Variants in DOK6 observed in about 807,000 individuals in gnomAD.
DOK6 encodes downstream of tyrosine kinase 6.
Under a neutral mutation model 44.0 loss-of-function variants are expected in DOK6, and 22 were observed. The observed-to-expected ratio is 0.50, with a 90% CI of 0.36 to 0.71. DOK6 has a LOEUF of 0.71. Among genes scored for constraint, DOK6 ranks in the 30% least tolerant of loss-of-function variants. The pLI, the probability that DOK6 is intolerant of heterozygous loss-of-function variation, is 0.00. For synonymous variants in DOK6, 166 were observed against 145.5 expected, an observed-to-expected ratio of 1.14 and a Z score of -1.01; for missense variants, 340 against 416.4, an observed-to-expected ratio of 0.82 and a Z score of 1.60.
At chr18:69,566,037 G>A (rs1226216103) in intron 2 of DOK6, among the ~76,000 whole-genome samples, 3 of 152,130 alleles carry the variant, frequency 2.0e-5, no homozygotes, top group Admixed American at 2.0e-4. Flanking sequence ...TATCTTATTT[G>A]GATGCCTGGT....
chr18:69,703,469 G>A (rs1986565964), intron 5 of DOK6, among the ~76,000 whole-genome samples: 2 of 152,136 alleles, frequency 1.3e-5, no homozygotes, highest in Non-Finnish European at 2.9e-5. Context: ...TATAATATAG[G>A]AATTGTAATA....
chr18:69,794,982 G>T (rs1217597289), intron 7 of DOK6, among the ~76,000 whole-genome samples: 1 of 152,044 alleles, frequency 6.6e-6, no homozygotes, highest in East Asian at 1.9e-4. Flanking sequence ...ACATTATGGT[G>T]GGTTGTATAA....
At chr18:69,473,365 C>T (rs151290023) in intron 1 of DOK6, among the ~76,000 whole-genome samples, 2 of 152,230 alleles carry the variant, frequency 1.3e-5, no homozygotes, top group African/African-American at 2.4e-5. Context: ...TAAGTGAAAA[C>T]TTAAATATCA....
intron 1 of DOK6, among the ~76,000 whole-genome samples, chr18:69,463,319 A>T (rs1979837519): frequency 1.3e-5 from 2 of 152,094 alleles, no homozygotes; most frequent in Admixed American, 6.5e-5. Context: ...TCCACACATC[A>T]ATCTTGGGAG....
At chr18:69,763,861 T>C (rs1568119617) in intron 7 of DOK6, among the ~76,000 whole-genome samples, 1 of 152,212 alleles carries the variant, frequency 6.6e-6, no homozygotes, top group Non-Finnish European at 1.5e-5. Flanking sequence ...AGGCACTCAG[T>C]AAAGCCTATT....
chr18:69,546,288 A>G (rs1982402545), intron 1 of DOK6, among the ~76,000 whole-genome samples: 1 of 151,098 alleles, frequency 6.6e-6, no homozygotes, highest in African/African-American at 2.4e-5. Flanking sequence ...AAAAAAAAAA[A>G]AAAGTGTAAA....
rs1982323130 is a variant in DOK6 at position 69,845,317 on chromosome 18, C to T, written c.*3934C>T. The T allele has an allele frequency of 6.6e-6, 1 of 152,166 alleles. No homozygotes were observed. The highest frequency in any genetic ancestry group is 2.4e-5 in the African/African-American group (1 of 41,442). 9.4% of individuals were successfully genotyped at this position (152,166 alleles called of 1,614,324 possible). ...GTGTTTTAAAATATTATATTGAAGA[C>T]TGCACAAAGAGAAAATTATACATGT... On this transcript the variant is annotated 3_prime_UTR_variant, in exon 8 of 8. Coordinates refer to ENST00000382713, the MANE Select transcript of DOK6 (RefSeq NM_152721.6).
chr18:69,469,342 AAAT>A (rs1568267710), intron 1 of DOK6, among the ~76,000 whole-genome samples: 1 of 152,224 alleles, frequency 6.6e-6, no homozygotes, highest in Non-Finnish European at 1.5e-5. Flanking sequence ...CCCTTCACTT[AAAT>A]AATAAACTAT....
intron 1 of DOK6, among the ~76,000 whole-genome samples, chr18:69,551,278 G>A (rs187851513): frequency 3.2e-4 from 49 of 152,180 alleles, no homozygotes; most frequent in Admixed American, 6.5e-4. Flanking sequence ...TACTTTTTAG[G>A]CATCGTGAAG....
chr18:69,604,493 C>A (rs559390054), intron 3 of DOK6, among the ~76,000 whole-genome samples: 1 of 152,290 alleles, frequency 6.6e-6, no homozygotes, highest in South Asian at 2.1e-4. Flanking sequence ...ATTTGAATTT[C>A]TAGCAAATGG....
intron 5 of DOK6, among the ~76,000 whole-genome samples, chr18:69,717,498 A>C (rs1023341283): frequency 6.6e-6 from 1 of 152,234 alleles, no homozygotes; most frequent in African/African-American, 2.4e-5. Flanking sequence ...ATAGATAAGG[A>C]CATCATTTTC....
intron 5 of DOK6, among the ~76,000 whole-genome samples, chr18:69,703,516 G>C (rs886179283): frequency 6.6e-6 from 1 of 152,150 alleles, no homozygotes; most frequent in Non-Finnish European, 1.5e-5. Flanking sequence ...TAGGAACATA[G>C]GTTAAGTTGT....
intron 7 of DOK6, among the ~76,000 whole-genome samples, chr18:69,769,926 T>C (rs1018793046): frequency 6.6e-6 from 1 of 152,078 alleles, no homozygotes. Context: ...TTCAAACAGA[T>C]TGCATGGTCT....
chr18:69,808,342 G>A (rs993891451), intron 7 of DOK6, among the ~76,000 whole-genome samples: 2 of 151,460 alleles, frequency 1.3e-5, no homozygotes, highest in South Asian at 2.1e-4. Flanking sequence ...AAGAAGAAAT[G>A]TTTCAAACAA....
At chr18:69,717,101 T>G (rs1986901248) in intron 5 of DOK6, among the ~76,000 whole-genome samples, 1 of 152,358 alleles carries the variant, frequency 6.6e-6, no homozygotes, top group East Asian at 1.9e-4. Flanking sequence ...TCGATTGCTT[T>G]ATATAAACTT....
At chr18:69,467,734 T>C (rs573923923) in intron 1 of DOK6, among the ~76,000 whole-genome samples, 1 of 152,336 alleles carries the variant, frequency 6.6e-6, no homozygotes, top group Non-Finnish European at 1.5e-5. Flanking sequence ...AGATAGTTAC[T>C]TACTGTTAAC....
chr18:69,824,505 G>A (rs1297086832), intron 7 of DOK6, among the ~76,000 whole-genome samples: 1 of 151,808 alleles, frequency 6.6e-6, no homozygotes, highest in African/African-American at 2.4e-5. Context: ...TGAAACCAAG[G>A]CACGTGCCAC....
intron 5 of DOK6, among the ~76,000 whole-genome samples, chr18:69,732,241 T>C (rs1978432339): frequency 6.6e-6 from 1 of 152,196 alleles, no homozygotes; most frequent in Non-Finnish European, 1.5e-5. Context: ...AATTCCTGAT[T>C]GTCAGGGAAT....
intron 1 of DOK6, among the ~76,000 whole-genome samples, chr18:69,447,526 T>C (rs189480133): frequency 6.6e-6 from 1 of 152,316 alleles, no homozygotes; most frequent in Admixed American, 6.5e-5. Context: ...TAGGATTGTC[T>C]TGGCAGTGTG....
Sources: gnomAD v4.1 joint callset for allele counts (sites outside exome capture counted in the v4.1 genomes callset) on GRCh38, gnomAD v4.1.1 for gene constraint, MANE v1.5 for transcripts, NCBI Gene and HGNC (gene_info 2026-07-23, HGNC 2026-07-21) for gene names.